Variants in SLAIN2 observed in about 807,000 individuals in gnomAD.
The protein encoded by SLAIN2 is SLAIN motif-containing protein 2.
SLAIN2 carries 31 observed loss-of-function variants against 56.6 expected under a neutral mutation model. That is an observed-to-expected ratio of 0.55 (90% CI 0.41 to 0.74). The LOEUF is 0.74. SLAIN2 is among the 30% of genes least tolerant of loss of function. The pLI, the probability that SLAIN2 is intolerant of heterozygous loss-of-function variation, is 0.00. For synonymous variants in SLAIN2, 317 were observed against 284.9 expected (o/e 1.11, Z -1.13); for missense variants, 777 against 754.2 (o/e 1.03, Z -0.35).
chr4:48,379,595 A>T, intron 3 of SLAIN2, 95 bp from the exon 4 acceptor site: 1 of 1,028,248 alleles, frequency 9.7e-7, no homozygotes, highest in Non-Finnish European at 1.3e-6. Flanking sequence ...AGAATGAATT[A>T]AATCAAAGGG....
At chr4:48,403,429 G>T (rs899128369) in intron 6 of SLAIN2, among the ~76,000 whole-genome samples, 3 of 152,198 alleles carry the variant, frequency 2.0e-5, no homozygotes, top group Non-Finnish European at 4.4e-5. Context: ...GGGAGGCCTT[G>T]CCCAGTGAGG....
chr4:48,392,608 A>G (rs1306050258), intron 6 of SLAIN2, among the ~76,000 whole-genome samples: 2 of 151,976 alleles, frequency 1.3e-5, no homozygotes, highest in Admixed American at 1.3e-4. Flanking sequence ...ATCTTTTTCA[A>G]TTGCTTTTCC....
Position 48,388,127 on chromosome 4 carries a change from T to C in SLAIN2, c.1360+4343T>C, listed in dbSNP as rs570312146. ...TCACTATTTTTATATGCTTATTTGC[T>C]GTGGCTGCATTATTGTGGATGCTGG... On this transcript the variant is annotated intron_variant, in intron 6 of 7. Transcript: ENST00000264313. 5.3e-5 allele frequency among the ~76,000 whole-genome samples: 8 copies of C among 152,322 alleles called. No individual in the cohort carries two copies. In the South Asian group the frequency reaches 1.7e-3, roughly 32 times the overall value.
intron 6 of SLAIN2, among the ~76,000 whole-genome samples, chr4:48,418,984 G>A (rs1289088688): frequency 2.0e-5 from 3 of 152,146 alleles, no homozygotes; most frequent in African/African-American, 7.2e-5. Flanking sequence ...GTATTCTGTT[G>A]CGTGGATATG....
intron 6 of SLAIN2, among the ~76,000 whole-genome samples, chr4:48,418,114 C>T (rs1387424714): frequency 1.3e-5 from 2 of 150,824 alleles, no homozygotes; most frequent in Non-Finnish European, 3.0e-5. Flanking sequence ...CTTCCTCCCT[C>T]CTTCCTCCTT....
intron 1 of SLAIN2, among the ~76,000 whole-genome samples, chr4:48,343,760 G>T (rs1373469040): frequency 1.3e-5 from 2 of 152,158 alleles, no homozygotes; most frequent in Non-Finnish European, 2.9e-5. Flanking sequence ...TTGAGTAACA[G>T]AATTACTCTT....
chr4:48,361,933 A>T (rs1003419190), intron 1 of SLAIN2, among the ~76,000 whole-genome samples: 3 of 152,166 alleles, frequency 2.0e-5, no homozygotes, highest in Non-Finnish European at 2.9e-5. Flanking sequence ...GCTGTTGTAA[A>T]TGAAATTGTT....
chr4:48,363,591 C>T (rs1311208859), intron 1 of SLAIN2, among the ~76,000 whole-genome samples: 6 of 107,330 alleles, frequency 5.6e-5, no homozygotes, highest in African/African-American at 1.7e-4. Context: ...ACCTCCCTCC[C>T]GGACAGGGCG....
At chr4:48,409,068 A>G (rs368983682) in intron 6 of SLAIN2, among the ~76,000 whole-genome samples, 3 of 152,282 alleles carry the variant, frequency 2.0e-5, no homozygotes, top group East Asian at 3.9e-4. Flanking sequence ...GTGTGTACAT[A>G]GTAGGTGTGT....
At chr4:48,401,122 G>T (rs1402248023) in intron 6 of SLAIN2, among the ~76,000 whole-genome samples, 1 of 152,140 alleles carries the variant, frequency 6.6e-6, no homozygotes, top group Non-Finnish European at 1.5e-5. Flanking sequence ...TCTTAATCTT[G>T]AGTTTTAATT....
chr4:48,369,457 G>T (rs1715609483), intron 1 of SLAIN2, among the ~76,000 whole-genome samples: 1 of 152,158 alleles, frequency 6.6e-6, no homozygotes, highest in African/African-American at 2.4e-5. Context: ...GTTTGTGTAT[G>T]TCGTGGGAAG....
chr4:48,408,475 T>G, intron 6 of SLAIN2, among the ~76,000 whole-genome samples: 2 of 146,208 alleles, frequency 1.4e-5, no homozygotes, highest in Non-Finnish European at 3.0e-5. Context: ...GTGATATTGA[T>G]GATCCTAACC....
chr4:48,425,704 A>G lies in SLAIN2; in HGVS notation c.*3627A>G, dbSNP rs551043287. On this transcript the variant is annotated 3_prime_UTR_variant, in exon 8 of 8. Transcript: ENST00000264313. The stretch of plus-strand genomic sequence containing the variant: ...GTCACTATACTTGTATTATAAATCA[A>G]TACATAAGTTTAAACCTGTTATATA... The G allele has an allele frequency of 2.0e-5, 3 of 152,292 alleles. No individual in the cohort carries two copies. The highest frequency in any genetic ancestry group is 3.9e-4 in the East Asian group (2 of 5,188). The allele number at this position is 152,292 out of a possible 1,614,324, so 9.4% of individuals were successfully genotyped here.
intron 1 of SLAIN2, among the ~76,000 whole-genome samples, chr4:48,349,998 G>A (rs978277017): frequency 9.9e-5 from 15 of 152,144 alleles, no homozygotes; most frequent in African/African-American, 3.6e-4. Flanking sequence ...GTAGCACCCA[G>A]GACCGAAAGT....
At chr4:48,419,460 GCAT>G (rs1339957057) in intron 6 of SLAIN2, among the ~76,000 whole-genome samples, 1 of 152,060 alleles carries the variant, frequency 6.6e-6, no homozygotes, top group Non-Finnish European at 1.5e-5. Context: ...GAGTGCAGTG[GCAT>G]CATCTCGGCT....
chr4:48,369,756 T>G (rs985015981), intron 1 of SLAIN2, 93 bp from the exon 2 acceptor site: 7 of 1,157,366 alleles, frequency 6.0e-6, no homozygotes, highest in Non-Finnish European at 8.5e-6. Flanking sequence ...TTTTACTCCC[T>G]TCTCCCCTAT....
chr4:48,395,910 TCTAAA>T (rs1422464423), intron 6 of SLAIN2, among the ~76,000 whole-genome samples: 4 of 150,018 alleles, frequency 2.7e-5, no homozygotes, highest in Non-Finnish European at 5.9e-5. Context: ...CACTGTGGTA[TCTAAA>T]CTAGGGCAGG....
At chr4:48,395,405 T>C (rs1169320284) in intron 6 of SLAIN2, among the ~76,000 whole-genome samples, 4 of 151,006 alleles carry the variant, frequency 2.6e-5, no homozygotes, top group African/African-American at 9.8e-5. Context: ...GATAAAGCAC[T>C]AAAGAAAATT....
intron 6 of SLAIN2, among the ~76,000 whole-genome samples, chr4:48,418,565 A>G (rs981162600): frequency 2.0e-5 from 3 of 152,148 alleles, no homozygotes; most frequent in African/African-American, 4.8e-5. Context: ...TATTTTTTTA[A>G]GGATTTTTAC....
Sources: allele counts gnomAD v4.1 joint callset (sites outside exome capture counted in the v4.1 genomes callset), GRCh38; gene constraint gnomAD v4.1.1; transcripts MANE v1.5; gene names NCBI Gene and HGNC (gene_info 2026-07-23, HGNC 2026-07-21).